Variants in GRIA4 observed in about 807,000 individuals in gnomAD.
GRIA4 encodes the protein glutamate ionotropic receptor AMPA type subunit 4, also known as glutamate receptor 4.
Under a neutral mutation model 104.0 loss-of-function variants are expected in GRIA4, and 34 were observed. That is an observed-to-expected ratio of 0.33 (90% confidence interval 0.25 to 0.44). GRIA4 has a LOEUF of 0.44. Among genes scored for constraint, GRIA4 ranks in the 20% least tolerant of loss-of-function variants. GRIA4 has a pLI of 1.00. For missense variants in GRIA4, 750 were observed against 1,096.5 expected (o/e 0.68, Z 4.46); for synonymous variants, 386 against 381.9 (o/e 1.01, Z -0.13).
At position 105,903,854 on chromosome 11, in the gene GRIA4, C is replaced by A; in HGVS notation, c.926C>A (p.Ala309Asp). 6.2e-7 allele frequency: 1 copy of A among 1,611,736 alleles called. No individual in the cohort carries two copies. The highest frequency in any genetic ancestry group is 8.5e-7 in the Non-Finnish European group (1 of 1,177,864). The change falls in exon 8 of 17, where the codon GCT (alanine) becomes GAT (aspartate). Residue 309 changes from alanine to aspartate, a missense_variant. Transcript: ENST00000282499. Reference protein sequence around the residue: ...ALTYDGVLVMAETFRSLRRQK... With the variant: ...ALTYDGVLVMDETFRSLRRQK... ...ACTTATGATGGAGTCCTTGTGATGG[C>A]TGAAACTTTCCGAAGTCTTAGGAGG... is the stretch of plus-strand genomic sequence containing the variant.
At chr11:105,902,544 A>C (rs554890746) in intron 7 of GRIA4, among the ~76,000 whole-genome samples, 67 of 152,190 alleles carry the variant, frequency 4.4e-4, no homozygotes, top group African/African-American at 1.6e-3. Context: ...CATGTTGCCC[A>C]GGCTGCTCTT....
chr11:105,702,026 C>G (rs1953514275), intron 3 of GRIA4, among the ~76,000 whole-genome samples: 1 of 152,042 alleles, frequency 6.6e-6, no homozygotes, highest in Non-Finnish European at 1.5e-5. Flanking sequence ...CTTTGAACTC[C>G]TAGGCTCAAG....
chr11:105,956,177 T>C (rs1472685284), intron 14 of GRIA4, among the ~76,000 whole-genome samples: 1 of 152,152 alleles, frequency 6.6e-6, no homozygotes, highest in Non-Finnish European at 1.5e-5. Context: ...GTTACATATG[T>C]ATACATGTGC....
intron 14 of GRIA4, among the ~76,000 whole-genome samples, chr11:105,938,117 G>A (rs1279926716): frequency 6.6e-6 from 1 of 152,202 alleles, no homozygotes; most frequent in African/African-American, 2.4e-5. Flanking sequence ...GTTCTATGTA[G>A]GTCAAATTAT....
chr11:105,903,753 C>A, intron 7 of GRIA4, 61 bp from the exon 8 acceptor site: 1 of 1,158,230 alleles, frequency 8.6e-7, no homozygotes, highest in Non-Finnish European at 1.3e-6. Context: ...AGACCCCAGA[C>A]CATTTCTGGC....
chr11:105,872,323 G>C (rs1008719694), intron 5 of GRIA4, among the ~76,000 whole-genome samples: 1 of 152,022 alleles, frequency 6.6e-6, no homozygotes, highest in Non-Finnish European at 1.5e-5. Context: ...ATATAATAAA[G>C]AAAAGATATA....
intron 3 of GRIA4, among the ~76,000 whole-genome samples, chr11:105,647,657 G>A (rs1951567429): frequency 6.6e-6 from 1 of 152,162 alleles, no homozygotes; most frequent in Admixed American, 6.5e-5. Context: ...CATGGATGGA[G>A]CTGGAGGCCA....
chr11:105,971,059 A>C (rs535216599), intron 14 of GRIA4, among the ~76,000 whole-genome samples: 33 of 152,284 alleles, frequency 2.2e-4, no homozygotes, highest in African/African-American at 7.5e-4. Context: ...GAGTTTGTCT[A>C]TTCAGAAAAA....
chr11:105,832,397 T>C (rs927291707), intron 4 of GRIA4, among the ~76,000 whole-genome samples: 5 of 151,710 alleles, frequency 3.3e-5, no homozygotes, highest in African/African-American at 1.2e-4. Flanking sequence ...ACTTTCTCCC[T>C]GCTGTGGAGC....
chr11:105,637,273 C>T (rs1300634944), intron 3 of GRIA4, among the ~76,000 whole-genome samples: 1 of 152,110 alleles, frequency 6.6e-6, no homozygotes, highest in African/African-American at 2.4e-5. Context: ...TAGAATTCTA[C>T]ACCTGTCACC....
intron 3 of GRIA4, among the ~76,000 whole-genome samples, chr11:105,689,086 T>C (rs1952994963): frequency 6.6e-6 from 1 of 152,142 alleles, no homozygotes; most frequent in South Asian, 2.1e-4. Flanking sequence ...AAAAATGGCA[T>C]TAAACACAAT....
At chr11:105,697,146 A>T (rs1239358206) in intron 3 of GRIA4, among the ~76,000 whole-genome samples, 1 of 152,130 alleles carries the variant, frequency 6.6e-6, no homozygotes, top group East Asian at 1.9e-4. Flanking sequence ...ATTTTCTATT[A>T]TAGAACAAAA....
chr11:105,640,500 T>A (rs1447979755), intron 3 of GRIA4, among the ~76,000 whole-genome samples: 1 of 151,944 alleles, frequency 6.6e-6, no homozygotes, highest in Admixed American at 6.6e-5. Flanking sequence ...TATTGTTCTA[T>A]TCCAGATTAA....
chr11:105,860,496 C>A (rs891170359), intron 4 of GRIA4, among the ~76,000 whole-genome samples: 12 of 152,098 alleles, frequency 7.9e-5, no homozygotes, highest in African/African-American at 2.9e-4. Flanking sequence ...AGAATGAGCT[C>A]AAATAAGTGT....
chr11:105,713,467 C>A (rs1953985960), intron 3 of GRIA4, among the ~76,000 whole-genome samples: 1 of 152,062 alleles, frequency 6.6e-6, no homozygotes. Context: ...AATGAAATTA[C>A]TTGTCAAAAT....
intron 4 of GRIA4, among the ~76,000 whole-genome samples, chr11:105,789,678 G>A (rs1339357544): frequency 2.0e-5 from 3 of 152,058 alleles, no homozygotes; most frequent in Non-Finnish European, 4.4e-5. Flanking sequence ...CTTTCTCACT[G>A]CAGTTCCAAC....
intron 9 of GRIA4, among the ~76,000 whole-genome samples, chr11:105,905,972 G>C (rs758983809): frequency 7.9e-5 from 12 of 152,122 alleles, no homozygotes; most frequent in Admixed American, 2.6e-4. Flanking sequence ...TTGGTTATAA[G>C]TGTTTTGTAG....
chr11:105,837,977 C>A (rs986457851), intron 4 of GRIA4, among the ~76,000 whole-genome samples: 7 of 152,112 alleles, frequency 4.6e-5, no homozygotes, highest in Non-Finnish European at 4.4e-5. Flanking sequence ...TATTTGAAGA[C>A]ACTTTATTTA....
At chr11:105,928,363 G>T (rs769961990) in intron 13 of GRIA4, among the ~76,000 whole-genome samples, 1 of 151,952 alleles carries the variant, frequency 6.6e-6, no homozygotes, top group Non-Finnish European at 1.5e-5. Context: ...TCTTAAAACT[G>T]TAAGTAATAT....
Sources: allele counts gnomAD v4.1 joint callset (sites outside exome capture counted in the v4.1 genomes callset), GRCh38; gene constraint gnomAD v4.1.1; transcripts MANE v1.5; gene names NCBI Gene and HGNC (gene_info 2026-07-23, HGNC 2026-07-21).